ADAMTS19: variants seen among roughly 807,000 people sequenced by gnomAD.
ADAMTS19 encodes the protein A disintegrin and metalloproteinase with thrombospondin motifs 19.
Under a neutral mutation model 153.3 loss-of-function variants are expected in ADAMTS19, and 93 were observed. That is an observed-to-expected ratio of 0.61 (90% confidence interval 0.51 to 0.72). The LOEUF is 0.72. ADAMTS19 is among the 30% of genes least tolerant of loss of function. The probability of loss-of-function intolerance (pLI) is 0.00; values close to 1 mark genes in which losing one functional copy is unlikely to be tolerated. For synonymous variants in ADAMTS19, 600 were observed against 556.6 expected (o/e 1.08, Z -1.10); for missense variants, 1,482 against 1,552.1 (o/e 0.95, Z 0.76).
intron 6 of ADAMTS19, among the ~76,000 whole-genome samples, chr5:129,540,362 A>G (rs1752614507): frequency 6.6e-6 from 1 of 152,106 alleles, no homozygotes; most frequent in African/African-American, 2.4e-5. Context: ...TGACCTAGTT[A>G]TGCTTCTGGG....
intron 6 of ADAMTS19, 93 bp downstream of exon 6, chr5:129,528,770 A>C (rs924366232): frequency 1.9e-6 from 2 of 1,062,526 alleles, no homozygotes; most frequent in Non-Finnish European, 2.6e-6. Flanking sequence ...TTTTTATTTC[A>C]GATTTCGTGT....
At chr5:129,588,393 T>C (rs375980858) in intron 7 of ADAMTS19, among the ~76,000 whole-genome samples, 1 of 152,234 alleles carries the variant, frequency 6.6e-6, no homozygotes, top group South Asian at 2.1e-4. Flanking sequence ...GTTCGATACA[T>C]GTTTGAACAT....
At chr5:129,699,866 TATATA>T (rs1190613206) in intron 19 of ADAMTS19, among the ~76,000 whole-genome samples, 2 of 152,206 alleles carry the variant, frequency 1.3e-5, no homozygotes, top group African/African-American at 2.4e-5. Flanking sequence ...AATGCTACTA[TATATA>T]ATATATCCTG....
Position 129,466,068 on chromosome 5 carries a change from T to A in ADAMTS19, c.747+4311T>A, listed in dbSNP as rs1215358725. On this transcript the variant is annotated intron_variant, in intron 2 of 22. Transcript: ENST00000274487. ...AGGATTTCTTTTTTCTGTTATCCCA[T>A]TCTGCCAAGCACCGGAAGCCACATA... Among the ~76,000 whole-genome samples, 9 of 152,314 alleles carry A rather than the reference T, an allele frequency of 5.9e-5. No individual in the cohort carries two copies. The East Asian group carries it at 1.7e-3, about 29-fold the overall frequency.
At chr5:129,582,568 ATTTTTAATT>A (rs1396393167) in intron 7 of ADAMTS19, among the ~76,000 whole-genome samples, 2 of 151,166 alleles carry the variant, frequency 1.3e-5, no homozygotes, top group Non-Finnish European at 3.0e-5. Flanking sequence ...TCTTTTATTT[ATTTTTAATT>A]TTTTTAATTT....
At chr5:129,736,812 C>T (rs1757685347) in intron 22 of ADAMTS19, among the ~76,000 whole-genome samples, 1 of 152,006 alleles carries the variant, frequency 6.6e-6, no homozygotes, top group Non-Finnish European at 1.5e-5. Context: ...CTTAAAAGTA[C>T]AACACATTGA....
intron 17 of ADAMTS19, among the ~76,000 whole-genome samples, chr5:129,681,906 T>C (rs1754833380): frequency 6.6e-6 from 1 of 152,274 alleles, no homozygotes; most frequent in South Asian, 2.1e-4. Context: ...CATGATTTGG[T>C]CACTTATAAT....
Sources: gnomAD v4.1 joint callset for allele counts (sites outside exome capture counted in the v4.1 genomes callset) on GRCh38, gnomAD v4.1.1 for gene constraint, MANE v1.5 for transcripts, NCBI Gene and HGNC (gene_info 2026-07-23, HGNC 2026-07-21) for gene names.